Variants in SCAF4 observed in about 807,000 individuals in gnomAD.
SCAF4 encodes SR-related and CTD-associated factor 4.
SCAF4 carries 25 observed loss-of-function variants against 129.8 expected under a neutral mutation model. The observed-to-expected ratio is 0.19, with a 90% CI of 0.14 to 0.27. The LOEUF is 0.27. Ranked by LOEUF, SCAF4 falls within the 10% of genes least tolerant of loss-of-function variation. SCAF4 has a pLI of 1.00. For synonymous variants in SCAF4, 551 were observed against 497.7 expected (o/e 1.11, Z -1.43); for missense variants, 1,246 against 1,457.1 (o/e 0.86, Z 2.36).
At chr21:31,722,444 G>A (rs187821047) in intron 1 of SCAF4, among the ~76,000 whole-genome samples, 144 of 152,114 alleles carry the variant, frequency 9.5e-4, no homozygotes, top group Admixed American at 2.6e-3. Flanking sequence ...CAAACAACCA[G>A]AATCGGCCTC....
Position 31,732,068 on chromosome 21 carries a change from C to G in SCAF4, c.-376G>C. On this transcript the variant is annotated 5_prime_UTR_variant, in exon 1 of 20. Transcript: ENST00000286835. ...AGCGGGCGGGCCTCTCTCTCCCTCT[C>G]TCCAGCGGGATGGCGGCAGCGGCCC... The G allele has an allele frequency of 2.4e-6, 1 of 414,590 alleles. No homozygotes were observed. 25.7% of individuals were successfully genotyped at this position (414,590 alleles called of 1,614,324 possible).
intron 16 of SCAF4, among the ~76,000 whole-genome samples, chr21:31,687,272 C>T (rs780167403): frequency 7.2e-5 from 11 of 152,032 alleles, no homozygotes; most frequent in Non-Finnish European, 1.3e-4. Flanking sequence ...TTTCATTTTT[C>T]GGCCCTTATG....
chr21:31,691,046 C>A, intron 14 of SCAF4, 93 bp from the exon 15 acceptor site: 1 of 1,082,776 alleles, frequency 9.2e-7, no homozygotes, highest in Non-Finnish European at 1.3e-6. Context: ...CATTCCGACT[C>A]GGGCACCAAG....
rs532306465 is a variant in SCAF4 at position 31,721,963 on chromosome 21, A to C, written c.30+9700T>G. On this transcript the variant is annotated intron_variant, in intron 1 of 19. Transcript: ENST00000286835. ...TCAAACTTCTGACCTCAGATGATCC[A>C]CCCACTTTGACCTCCCAAAGTGCTG... is the stretch of plus-strand genomic sequence containing the variant. 2.0e-4 allele frequency among the ~76,000 whole-genome samples: 31 copies of C among 151,776 alleles called. No individual in the cohort carries two copies. The South Asian group carries it at 6.4e-3, about 32-fold the overall frequency.
rs116261565 is a variant in SCAF4, at chr21:31,672,560, G to A, written c.2489-206C>T. Among the ~76,000 whole-genome samples the A allele has an allele frequency of 2.7e-3, 406 of 152,302 alleles. 1 individual carries two copies. The highest frequency in any genetic ancestry group is 9.1e-3 in the African/African-American group (380 of 41,558). On this transcript the variant is annotated intron_variant, in intron 19 of 19. Transcript: ENST00000286835. ...AGACATTTTTAAAGTATCTAATACAGGTAGAGGCCAGAATAAACTGGGAAA... is the reference window on the plus strand; with the variant it reads ...AGACATTTTTAAAGTATCTAATACAAGTAGAGGCCAGAATAAACTGGGAAA...
chr21:31,730,878 C>T (rs2051334806), intron 1 of SCAF4, among the ~76,000 whole-genome samples: 1 of 152,160 alleles, frequency 6.6e-6, no homozygotes, highest in African/African-American at 2.4e-5. Context: ...TAGAAGGGAG[C>T]CGAGGATTAA....
At chr21:31,709,800 T>C (rs867192303) in intron 1 of SCAF4, among the ~76,000 whole-genome samples, 7 of 152,016 alleles carry the variant, frequency 4.6e-5, no homozygotes, top group Admixed American at 1.3e-4. Context: ...TTGTATTTTT[T>C]ACTTAATCAT....
rs760770942 is a variant in SCAF4 at position 31,693,552 on chromosome 21, T to A, written c.1323-68A>T. On this transcript the variant is annotated intron_variant, in intron 11 of 19. Coordinates refer to ENST00000286835, the MANE Select transcript of SCAF4 (RefSeq NM_020706.2). ...AAAACCAGAAAATATAAGCACATAC[T>A]AATTAAAACAGAACAAAAACTAGGT... 6.7e-6 allele frequency: 7 copies of A among 1,041,352 alleles called. No homozygotes were observed. In the Admixed American group the frequency reaches 2.1e-4, roughly 32 times the overall value. 64.5% of individuals were successfully genotyped at this position (1,041,352 alleles called of 1,614,324 possible).
intron 9 of SCAF4, 93 bp from the exon 10 acceptor site, chr21:31,695,073 T>C: frequency 2.0e-6 from 2 of 1,014,768 alleles, no homozygotes; most frequent in Non-Finnish European, 2.9e-6. Flanking sequence ...TCAATAAAGT[T>C]TGATCAAGGA....
At position 31,693,321 on chromosome 21, in the gene SCAF4, G is replaced by A; in HGVS notation, c.1486C>T (p.Pro496Ser). ...KERERRQKGL[P>S]QVKPETASVC... ...CTTGCAGTTTCCGGTTTCACTTGAGGGAGGCCTTTTTGTCGACGTTCTCTC... is the reference window on the plus strand; with the variant it reads ...CTTGCAGTTTCCGGTTTCACTTGAGAGAGGCCTTTTTGTCGACGTTCTCTC... The change falls in exon 12 of 20, where the codon CCT becomes TCT. Residue 496 changes from proline (P) to serine (S), a missense_variant. This residue lies in a region of SCAF4 where 468 missense variants were observed against 605.5 expected (regional missense o/e 0.77). Transcript: ENST00000286835. 1 of 1,516,296 alleles carries A rather than the reference G, an allele frequency of 6.6e-7. No homozygotes were observed. The highest frequency in any genetic ancestry group is 9.0e-7 in the Non-Finnish European group (1 of 1,116,668). 93.9% of individuals were successfully genotyped at this position (1,516,296 alleles called of 1,614,324 possible).
chr21:31,687,918 G>T (rs186126667), intron 16 of SCAF4, among the ~76,000 whole-genome samples: 4 of 151,952 alleles, frequency 2.6e-5, no homozygotes, highest in Non-Finnish European at 5.9e-5. Flanking sequence ...TACGAGCCTG[G>T]CCAGCATGGT....
intron 4 of SCAF4, among the ~76,000 whole-genome samples, chr21:31,703,497 C>T (rs1181874778): frequency 1.3e-5 from 2 of 151,982 alleles, no homozygotes; most frequent in Non-Finnish European, 2.9e-5. Flanking sequence ...TTTCCCTTAC[C>T]CCTAGTCCCT....
chr21:31,712,527 C>CTTT (rs567950595), intron 1 of SCAF4, among the ~76,000 whole-genome samples: 20 of 124,008 alleles, frequency 1.6e-4, no homozygotes, highest in African/African-American at 4.0e-4. Flanking sequence ...CTGATTCTCC[C>CTTT]TTTTTTTTTT....
At chr21:31,677,658 G>T (rs533138965) in intron 19 of SCAF4, among the ~76,000 whole-genome samples, 2 of 151,992 alleles carry the variant, frequency 1.3e-5, no homozygotes, top group Admixed American at 6.6e-5. Context: ...CCTCTTTCCT[G>T]CCTAGAAACT....
At chr21:31,722,665 T>C (rs1427606881) in intron 1 of SCAF4, among the ~76,000 whole-genome samples, 1 of 152,144 alleles carries the variant, frequency 6.6e-6, no homozygotes, top group Non-Finnish European at 1.5e-5. Context: ...TCAAAGTCAT[T>C]ACACTCAAGG....
chr21:31,728,177 T>G (rs2051255557), intron 1 of SCAF4, among the ~76,000 whole-genome samples: 1 of 152,092 alleles, frequency 6.6e-6, no homozygotes, highest in Non-Finnish European at 1.5e-5. Flanking sequence ...AAGCCTCTAC[T>G]CCCATCTAAA....
chr21:31,728,610 C>T (rs1169108623), intron 1 of SCAF4, among the ~76,000 whole-genome samples: 1 of 152,040 alleles, frequency 6.6e-6, no homozygotes, highest in Non-Finnish European at 1.5e-5. Context: ...TGTAATTGGA[C>T]GTCTATGCAG....
chr21:31,677,571 T>C (rs1027320421), intron 19 of SCAF4, among the ~76,000 whole-genome samples: 1 of 152,188 alleles, frequency 6.6e-6, no homozygotes, highest in Non-Finnish European at 1.5e-5. Flanking sequence ...GGAGCCTTCA[T>C]TTTGCTAAAT....
intron 1 of SCAF4, among the ~76,000 whole-genome samples, chr21:31,708,774 C>CAAGT (rs1256302425): frequency 6.6e-6 from 1 of 152,120 alleles, no homozygotes; most frequent in Non-Finnish European, 1.5e-5. Flanking sequence ...GAGTCAAGAC[C>CAAGT]ACTTCTTGAT....
Sources: gnomAD v4.1 joint callset for allele counts (sites outside exome capture counted in the v4.1 genomes callset) on GRCh38, gnomAD v4.1.1 for gene constraint, gnomAD v4.1.1 regional missense constraint, MANE v1.5 for transcripts, NCBI Gene and HGNC (gene_info 2026-07-23, HGNC 2026-07-21) for gene names.